The following ARHGAP19 variants were observed in gnomAD, a reference collection of about 807,000 sequenced individuals.
ARHGAP19 encodes rho GTPase-activating protein 19.
Under a neutral mutation model 60.9 loss-of-function variants are expected in ARHGAP19, and 48 were observed. The ratio of observed to expected loss-of-function variants is 0.79; its 90% confidence interval spans 0.62 to 1.00. ARHGAP19 has a LOEUF of 1.00. Ranked by LOEUF, ARHGAP19 falls within the 50% of genes least tolerant of loss-of-function variation. The probability of loss-of-function intolerance (pLI) is 0.00; values close to 1 mark genes in which losing one functional copy is unlikely to be tolerated. For missense variants in ARHGAP19, 562 were observed against 597.2 expected (o/e 0.94, Z 0.61); for synonymous variants, 209 against 215.5 (o/e 0.97, Z 0.27).
chr10:97,258,615 A>C (rs1055531688), intron 5 of ARHGAP19: 6 of 153,026 alleles, frequency 3.9e-5, no homozygotes, highest in African/African-American at 1.2e-4. Context: ...ACTCCATCAC[A>C]TAGTAAAACC....
chr10:97,248,501 T>C (rs1842595825), intron 6 of ARHGAP19, among the ~76,000 whole-genome samples: 1 of 152,134 alleles, frequency 6.6e-6, no homozygotes, highest in Non-Finnish European at 1.5e-5. Flanking sequence ...AGTTGCGTAG[T>C]ATTAAATCTG....
chr10:97,233,271 C>T (rs940469370), intron 9 of ARHGAP19, among the ~76,000 whole-genome samples: 3 of 151,648 alleles, frequency 2.0e-5, no homozygotes, highest in African/African-American at 4.8e-5. Flanking sequence ...GATCGCTGAG[C>T]GCCCAGGAGA....
intron 6 of ARHGAP19, among the ~76,000 whole-genome samples, chr10:97,251,220 T>A (rs1310942902): frequency 3.0e-4 from 3 of 9,932 alleles, no homozygotes; most frequent in East Asian, 3.8e-3. Context: ...GGAAGGGGAA[T>A]GGAAGGGGAA....
chr10:97,288,605 CA>C (rs929515414), intron 1 of ARHGAP19, among the ~76,000 whole-genome samples: 14 of 140,414 alleles, frequency 1.0e-4, no homozygotes, highest in Admixed American at 1.4e-4. Flanking sequence ...AAAAGAACAA[CA>C]AAAAAAAAAG....
At chr10:97,270,057 T>C (rs145215131) in intron 1 of ARHGAP19, among the ~76,000 whole-genome samples, 61 of 152,046 alleles carry the variant, frequency 4.0e-4, no homozygotes, top group East Asian at 2.3e-3. Flanking sequence ...GGTAGAAGAA[T>C]AAACAGGTTC....
Position 97,254,542 on chromosome 10 carries a change from G to C in ARHGAP19, c.927+1776C>G, listed in dbSNP as rs181488368. The stretch of plus-strand genomic sequence containing the variant: ...AGAAACAAAACTTAACTCAAAATGG[G>C]TCAAAGACATAAACATAAGACCTAA... On this transcript the variant is annotated intron_variant, in intron 6 of 11. Coordinates refer to ENST00000358531, the MANE Select transcript of ARHGAP19 (RefSeq NM_032900.6). 2.4e-3 allele frequency among the ~76,000 whole-genome samples: 363 copies of C among 152,190 alleles called. 1 individual carries two copies. Among genetic ancestry groups the C allele is most frequent in the African/African-American group, 8.4e-3 (348 of 41,534 alleles).
intron 9 of ARHGAP19, among the ~76,000 whole-genome samples, chr10:97,233,050 G>A (rs1851055257): frequency 6.6e-6 from 1 of 152,108 alleles, no homozygotes; most frequent in East Asian, 1.9e-4. Flanking sequence ...TAGGGAGGCT[G>A]AGGTGGAAGA....
intron 8 of ARHGAP19, among the ~76,000 whole-genome samples, chr10:97,239,645 A>C (rs902558210): frequency 4.6e-5 from 7 of 151,004 alleles, no homozygotes; most frequent in African/African-American, 1.7e-4. Flanking sequence ...CTGGAGCAAA[A>C]AAAAAGATAT....
intron 1 of ARHGAP19, among the ~76,000 whole-genome samples, chr10:97,281,122 T>C (rs936079101): frequency 6.6e-6 from 1 of 151,444 alleles, no homozygotes; most frequent in South Asian, 2.1e-4. Context: ...GCGGCTCATG[T>C]CTATAATTCC....
intron 4 of ARHGAP19, among the ~76,000 whole-genome samples, chr10:97,261,281 C>G (rs1666863802): frequency 6.6e-6 from 1 of 151,438 alleles, no homozygotes; most frequent in Admixed American, 6.6e-5. Context: ...TTAGGAAGGG[C>G]AGGTAACATT....
intron 4 of ARHGAP19, among the ~76,000 whole-genome samples, chr10:97,261,062 T>C (rs939370154): frequency 6.8e-6 from 1 of 148,122 alleles, no homozygotes; most frequent in African/African-American, 2.4e-5. Flanking sequence ...AATGTCCTTA[T>C]TCACAAGCTG....
At chr10:97,241,519 G>C (rs1842481350) in intron 8 of ARHGAP19, among the ~76,000 whole-genome samples, 1 of 151,942 alleles carries the variant, frequency 6.6e-6, no homozygotes, top group Non-Finnish European at 1.5e-5. Context: ...TTCAAGACCA[G>C]CCTGGCCAAC....
chr10:97,254,081 A>G (rs1344628972), intron 6 of ARHGAP19, among the ~76,000 whole-genome samples: 4 of 152,214 alleles, frequency 2.6e-5, no homozygotes, highest in Non-Finnish European at 4.4e-5. Flanking sequence ...AGATGTCAAT[A>G]CTACTCGAGG....
intron 1 of ARHGAP19, among the ~76,000 whole-genome samples, chr10:97,282,531 AC>A (rs918307772): frequency 2.0e-5 from 3 of 152,058 alleles, no homozygotes; most frequent in African/African-American, 7.2e-5. Flanking sequence ...AAGAATCCTA[AC>A]AAATATGAAT....
At position 97,235,281 on chromosome 10, in the gene ARHGAP19, C is replaced by A. The variant is rs368950765; in HGVS notation, c.1220G>T (p.Arg407Leu). 13 of 1,613,762 alleles carry A rather than the reference C, an allele frequency of 8.1e-6. No homozygotes were observed. The South Asian group carries it at 1.3e-4, about 16-fold the overall frequency. The part of the protein sequence containing the change: ...NKQSLTQTPG[R>L]EPSTSQVQKR... Reference sequence around the variant, plus strand: ...TTGTACCTGGGAAGTAGAAGGTTCTCGCCCTGGTGTCTGGGTCAATGATTG... The same window carrying A: ...TTGTACCTGGGAAGTAGAAGGTTCTAGCCCTGGTGTCTGGGTCAATGATTG... The change falls in exon 9 of 12, where the codon CGA becomes CTA. Residue 407 changes from arginine (R) to leucine (L), a missense_variant. Physicochemically the swap from Arg to Leu is moderately radical, Grantham distance 102. Coordinates refer to ENST00000358531, the MANE Select transcript of ARHGAP19 (RefSeq NM_032900.6).
At chr10:97,267,177 A>G (rs1303846841) in intron 1 of ARHGAP19, among the ~76,000 whole-genome samples, 1 of 152,182 alleles carries the variant, frequency 6.6e-6, no homozygotes, top group Middle Eastern at 3.2e-3. Context: ...CAAATGGGAG[A>G]AATTGGCCAA....
chr10:97,273,696 G>A (rs1842989207), intron 1 of ARHGAP19, among the ~76,000 whole-genome samples: 1 of 149,168 alleles, frequency 6.7e-6, no homozygotes, highest in South Asian at 2.1e-4. Flanking sequence ...ACCATGTTGA[G>A]CAGGTTGGTC....
At chr10:97,270,610 G>C in intron 1 of ARHGAP19, 1 of 1,547,754 alleles carries the variant, frequency 6.5e-7, no homozygotes, top group Non-Finnish European at 8.7e-7. Flanking sequence ...TCTTACATAA[G>C]TGCTGAAAGT....
At chr10:97,236,446 T>C (rs950078667) in intron 8 of ARHGAP19, among the ~76,000 whole-genome samples, 8 of 152,102 alleles carry the variant, frequency 5.3e-5, no homozygotes, top group Non-Finnish European at 1.0e-4. Context: ...CTGAAGAGCT[T>C]AGCTAGTTAA....
Sources: allele counts gnomAD v4.1 joint callset (sites outside exome capture counted in the v4.1 genomes callset), GRCh38; gene constraint gnomAD v4.1.1; transcripts MANE v1.5; gene names NCBI Gene and HGNC (gene_info 2026-07-23, HGNC 2026-07-21).